FAM120A: variants seen among roughly 807,000 people sequenced by gnomAD.
The protein encoded by FAM120A is family with sequence similarity 120 member A, also known as constitutive coactivator of PPAR-gamma-like protein 1.
A neutral mutation model predicts 109.7 loss-of-function variants in FAM120A; 15 were observed. That is an observed-to-expected ratio of 0.14 (90% confidence interval 0.09 to 0.21). The LOEUF (loss-of-function observed/expected upper bound fraction) is 0.21, where lower values mean the gene tolerates loss of function less well. Ranked by LOEUF, FAM120A falls within the 10% of genes least tolerant of loss-of-function variation. The pLI is 1.00. For synonymous variants in FAM120A, 493 were observed against 572.8 expected (o/e 0.86, Z 1.99); for missense variants, 899 against 1,439.3 (o/e 0.62, Z 6.07).
At chr9:93,561,870 G>A (rs77734990) in intron 16 of FAM120A, among the ~76,000 whole-genome samples, 11,656 of 152,184 alleles carry the variant, frequency 0.077, 580 homozygotes, top group Non-Finnish European at 0.1. Context: ...GGATATGGGA[G>A]ATGTAGCTCA....
intron 3 of FAM120A, among the ~76,000 whole-genome samples, chr9:93,481,019 T>G (rs6479488): frequency 0.98 from 149,955 of 152,354 alleles, 73,805 homozygotes; most frequent in East Asian, 1. Context: ...CAGCCTCTGT[T>G]TCCCTTCAGG....
intron 1 of FAM120A, among the ~76,000 whole-genome samples, chr9:93,467,687 T>C (rs1162062212): frequency 6.6e-6 from 1 of 152,226 alleles, no homozygotes; most frequent in Non-Finnish European, 1.5e-5. Context: ...GTTTGTTTAA[T>C]GCTCTGTCTG....
At chr9:93,553,097 G>A (rs998716579) in intron 12 of FAM120A, among the ~76,000 whole-genome samples, 21 of 152,190 alleles carry the variant, frequency 1.4e-4, no homozygotes, top group African/African-American at 5.1e-4. Flanking sequence ...AGTGTTCCAT[G>A]TGGCTCCTTA....
intron 1 of FAM120A, among the ~76,000 whole-genome samples, chr9:93,469,725 ATGT>A (rs1219685857): frequency 1.3e-5 from 2 of 152,122 alleles, no homozygotes; most frequent in Non-Finnish European, 2.9e-5. Flanking sequence ...GACTGATTGG[ATGT>A]TGTTTGGTTT....
At chr9:93,453,917 G>GCA (rs1401579160) in intron 1 of FAM120A, among the ~76,000 whole-genome samples, 1 of 152,194 alleles carries the variant, frequency 6.6e-6, no homozygotes, top group Non-Finnish European at 1.5e-5. Context: ...TTTGGTAACC[G>GCA]CACAGCTCTC....
At chr9:93,461,156 A>G (rs1042301076) in intron 1 of FAM120A, among the ~76,000 whole-genome samples, 1 of 152,194 alleles carries the variant, frequency 6.6e-6, no homozygotes, top group Non-Finnish European at 1.5e-5. Flanking sequence ...GTCATTTGGC[A>G]TTTCTCAGTT....
intron 5 of FAM120A, among the ~76,000 whole-genome samples, chr9:93,513,581 G>A (rs1440876357): frequency 6.6e-6 from 1 of 152,222 alleles, no homozygotes; most frequent in African/African-American, 2.4e-5. Flanking sequence ...TGGTACAAAG[G>A]TGGAAGCTCT....
chr9:93,524,430 A>G (rs1860979182), intron 7 of FAM120A, among the ~76,000 whole-genome samples: 1 of 152,202 alleles, frequency 6.6e-6, no homozygotes, highest in Non-Finnish European at 1.5e-5. Context: ...TTCAGTGACT[A>G]GAACAGTTTG....
chr9:93,547,327 G>A (rs1861923486), intron 11 of FAM120A, among the ~76,000 whole-genome samples: 1 of 152,226 alleles, frequency 6.6e-6, no homozygotes, highest in African/African-American at 2.4e-5. Flanking sequence ...GAGGGCATAA[G>A]GCTCCAGAGC....
At chr9:93,470,975 G>T (rs1202491183) in intron 1 of FAM120A, among the ~76,000 whole-genome samples, 166 bp from the exon 2 acceptor site, 1 of 152,160 alleles carries the variant, frequency 6.6e-6, no homozygotes, top group Non-Finnish European at 1.5e-5. Flanking sequence ...TTTCTTAGTG[G>T]AGCAATGTGT....
chr9:93,493,889 C>G (rs1227881472), intron 3 of FAM120A, among the ~76,000 whole-genome samples: 1 of 152,254 alleles, frequency 6.6e-6, no homozygotes, highest in South Asian at 2.1e-4. Context: ...CTGGAGCGCT[C>G]TCTCAGTGGG....
At chr9:93,512,423 T>C (rs756021110) in intron 5 of FAM120A, among the ~76,000 whole-genome samples, 2 of 152,262 alleles carry the variant, frequency 1.3e-5, no homozygotes, top group Non-Finnish European at 2.9e-5. Flanking sequence ...CTTTTCATTC[T>C]GAAAGAACTT....
At chr9:93,520,360 C>T (rs1280633237) in intron 7 of FAM120A, among the ~76,000 whole-genome samples, 2 of 152,102 alleles carry the variant, frequency 1.3e-5, no homozygotes, top group African/African-American at 4.8e-5. Flanking sequence ...GAGATCTCAT[C>T]TCATCTCTTA....
Position 93,474,167 on chromosome 9 carries a change from C to G in FAM120A, c.722-2089C>G, listed in dbSNP as rs1222404156. Among the ~76,000 whole-genome samples the G allele has an allele frequency of 2.0e-5, 3 of 152,100 alleles. No homozygotes were observed. The East Asian group carries it at 5.8e-4, about 29-fold the overall frequency. Reference sequence around the variant, plus strand: ...AGTTTAGTGAAGTTATAGGTAAGCTCCTAAGTTTTTGTTGTTGTTGTTGTT... The same window carrying G: ...AGTTTAGTGAAGTTATAGGTAAGCTGCTAAGTTTTTGTTGTTGTTGTTGTT... On this transcript the variant is annotated intron_variant, in intron 2 of 17. Coordinates refer to ENST00000277165, the MANE Select transcript of FAM120A (RefSeq NM_014612.5).
intron 15 of FAM120A, among the ~76,000 whole-genome samples, chr9:93,559,768 G>A (rs952920780): frequency 3.3e-5 from 5 of 152,206 alleles, no homozygotes; most frequent in Admixed American, 1.3e-4. Context: ...AGGGAGAGGG[G>A]AGATTGTACT....
chr9:93,495,331 C>T (rs1352798860), intron 3 of FAM120A, among the ~76,000 whole-genome samples: 2 of 152,212 alleles, frequency 1.3e-5, no homozygotes, highest in African/African-American at 2.4e-5. Context: ...TGATCCTCAA[C>T]AACAACAAAA....
chr9:93,537,912 G>A (rs142682949), intron 10 of FAM120A, among the ~76,000 whole-genome samples: 92 of 152,154 alleles, frequency 6.0e-4, no homozygotes, highest in African/African-American at 2.1e-3. Flanking sequence ...CAGCATTGAG[G>A]TTTTTTTCAC....
At chr9:93,551,589 T>A (rs1440606594) in intron 12 of FAM120A, among the ~76,000 whole-genome samples, 5 of 152,352 alleles carry the variant, frequency 3.3e-5, no homozygotes, top group Non-Finnish European at 5.9e-5. Flanking sequence ...CACCTTTAGA[T>A]CTTTTTGGCA....
At chr9:93,535,605 T>C (rs920905813) in intron 10 of FAM120A, among the ~76,000 whole-genome samples, 3 of 152,222 alleles carry the variant, frequency 2.0e-5, no homozygotes, top group African/African-American at 7.2e-5. Context: ...GGTGAGATTT[T>C]TGTAAGCAGC....
Sources: gnomAD v4.1 joint callset for allele counts (sites outside exome capture counted in the v4.1 genomes callset) on GRCh38, gnomAD v4.1.1 for gene constraint, MANE v1.5 for transcripts, NCBI Gene and HGNC (gene_info 2026-07-23, HGNC 2026-07-21) for gene names.